Variants in CCDC88B observed in about 807,000 individuals in gnomAD.
CCDC88B encodes the protein coiled-coil and HOOK domain protein 88B.
Under a neutral mutation model 183.7 loss-of-function variants are expected in CCDC88B, and 138 were observed. The observed-to-expected ratio is 0.75, with a 90% confidence interval of 0.65 to 0.87. The LOEUF (loss-of-function observed/expected upper bound fraction) is 0.87. Among genes scored for constraint, CCDC88B ranks in the 40% least tolerant of loss-of-function variants. The pLI, the probability that CCDC88B is intolerant of heterozygous loss-of-function variation, is 0.00. For missense variants in CCDC88B, 1,822 were observed against 1,965.6 expected (o/e 0.93, Z 1.38); for synonymous variants, 835 against 867.5 (o/e 0.96, Z 0.66).
In CCDC88B at chr11:64,357,273, G is replaced by A. The variant is rs759277367; in HGVS notation, c.*179G>A. On this transcript the variant is annotated 3_prime_UTR_variant, in exon 27 of 27. Coordinates refer to ENST00000356786, the MANE Select transcript of CCDC88B (RefSeq NM_032251.6). ...CGGGGCCCGGAGATGGAGCTGGGAC[G>A]AGTGTGTGGACAGGGGGGATGGCTG... is the stretch of plus-strand genomic sequence containing the variant. The A allele has an allele frequency of 2.0e-4, 154 of 773,448 alleles. 1 individual carries two copies. Among genetic ancestry groups the A allele is most frequent in the Non-Finnish European group, 3.1e-4 (134 of 435,198 alleles). The allele number at this position is 773,448 out of a possible 1,614,324, so 47.9% of individuals were successfully genotyped here.
intron 7 of CCDC88B, 101 bp from the exon 8 acceptor site, chr11:64,341,893 C>A: frequency 4.4e-6 from 3 of 682,098 alleles, no homozygotes; most frequent in African/African-American, 1.9e-5. Flanking sequence ...CCAGATGGCC[C>A]AAGACCCCAG....
intron 16 of CCDC88B, 49 bp downstream of exon 16, chr11:64,349,717 A>T (rs1565053378): frequency 1.3e-6 from 2 of 1,508,466 alleles, no homozygotes; most frequent in Non-Finnish European, 1.8e-6. Context: ...CCTGCCCTCC[A>T]TCCCATGAGC....
chr11:64,343,268 G>A lies in CCDC88B; in HGVS notation c.1152G>A (p.Leu384=). 1 of 1,549,452 alleles carries A rather than the reference G, an allele frequency of 6.5e-7. No homozygotes were observed. The highest frequency in any genetic ancestry group is 8.7e-7 in the Non-Finnish European group (1 of 1,146,766). Residue 384 remains leucine, a synonymous_variant, in exon 11 of 27, where the codon CTG becomes CTA. Transcript: ENST00000356786. ...CTGCCCGAGAGCGCTGCGCCCGGCTGCACGAGACCCAGCGCGAGAACCTGC... is the reference window on the plus strand; with the variant it reads ...CTGCCCGAGAGCGCTGCGCCCGGCTACACGAGACCCAGCGCGAGAACCTGC... The part of the protein sequence containing the change: ...LEAARERCAR[L]HETQRENLLL...
chr11:64,340,826 G>A lies in CCDC88B; in HGVS notation c.206+74G>A, dbSNP rs200730691. 1.9e-4 allele frequency: 293 copies of A among 1,546,328 alleles called. 2 individuals are homozygous for A. The East Asian group carries it at 5.4e-3, about 29-fold the overall frequency. ...GGGAAGCGGGTGGGCGGAGCCTGAT[G>A]CTCAGTGGGCGGGGCCTGAGGGACG... On this transcript the variant is annotated intron_variant, in intron 2 of 26. Coordinates refer to ENST00000356786, the MANE Select transcript of CCDC88B (RefSeq NM_032251.6).
chr11:64,355,434 C>A, intron 25 of CCDC88B, 34 bp downstream of exon 25: 1 of 1,585,244 alleles, frequency 6.3e-7, no homozygotes, highest in East Asian at 2.3e-5. Context: ...CAGCCAGCCC[C>A]CCAACTCTTT....
intron 14 of CCDC88B, 39 bp downstream of exon 14, chr11:64,345,196 A>G (rs1249901240): frequency 2.0e-6 from 3 of 1,529,294 alleles, no homozygotes; most frequent in Non-Finnish European, 2.6e-6. Flanking sequence ...GTTGGGAAGC[A>G]GAGTTCCAGG....
chr11:64,344,078 C>T lies in CCDC88B; in HGVS notation c.1537C>T (p.His513Tyr), dbSNP rs974520301. 1.4e-5 allele frequency: 23 copies of T among 1,609,152 alleles called. No individual in the cohort carries two copies. In the Admixed American group the frequency reaches 3.7e-4, roughly 26 times the overall value. The change falls in exon 14 of 27, where the codon CAC becomes TAC. Residue 513 changes from histidine to tyrosine, a missense_variant. Transcript: ENST00000356786. The surrounding 1 kb of genome is among the most constrained non-coding windows in gnomAD (Gnocchi z 4.5). ...TCCCCAGACTCCTGTGGCCTTCGAC[C>T]ACAGCCCTCAGGGCTTGGTTCAGAA... ...EAPQTPVAFD[H>Y]SPQGLVQKAR... is the part of the protein sequence containing the mutation.
chr11:64,342,959 C>A (rs1297317146), intron 10 of CCDC88B, among the ~76,000 whole-genome samples: 1 of 146,704 alleles, frequency 6.8e-6, no homozygotes, highest in East Asian at 2.0e-4. Flanking sequence ...AAGGGCGGGG[C>A]CTGCACAAAG....
At chr11:64,343,082 G>A in intron 10 of CCDC88B, 97 bp from the exon 11 acceptor site, 1 of 1,373,274 alleles carries the variant, frequency 7.3e-7, no homozygotes, top group Non-Finnish European at 9.6e-7. Context: ...GAGGGAGGCA[G>A]GGTCTGTGAC....
chr11:64,343,634 AGGGCTGGGGT>A lies in CCDC88B; in HGVS notation c.1318+23_1318+32del, dbSNP rs767906330. On this transcript the variant is annotated intron_variant, in intron 12 of 26. Transcript: ENST00000356786. Reference sequence around the variant, plus strand: ...GGGGAGGGTGAGGGACCCCACTGGAAGGGCTGGGGTGGGGGCTTCCTATGCTTTCCAGCAG... The same window carrying A: ...GGGGAGGGTGAGGGACCCCACTGGAAGGGGGCTTCCTATGCTTTCCAGCAG... The A allele has an allele frequency of 8.3e-5, 128 of 1,549,784 alleles. No homozygotes were observed. The South Asian group carries it at 1.4e-3, about 17-fold the overall frequency.
chr11:64,347,790 C>CCACTTCGGGAGG (rs1378749423), intron 14 of CCDC88B, among the ~76,000 whole-genome samples: 5 of 152,144 alleles, frequency 3.3e-5, no homozygotes, highest in East Asian at 1.9e-4. Flanking sequence ...GTGGCTCACA[C>CCACTTCGGGAGG]CTGTAATCCC....
chr11:64,352,029 T>C (rs374981413), intron 18 of CCDC88B, 101 bp from the exon 19 acceptor site: 4 of 1,459,714 alleles, frequency 2.7e-6, no homozygotes, highest in Non-Finnish European at 3.7e-6. Context: ...AACTCTCTCA[T>C]TGTCTTGGGC....
Position 64,344,492 on chromosome 11 carries a change from G to A in CCDC88B, c.1951G>A (p.Gly651Arg), listed in dbSNP as rs199606628. 1 of 1,606,252 alleles carries A rather than the reference G, an allele frequency of 6.2e-7. No individual in the cohort carries two copies. The highest frequency in any genetic ancestry group is 1.3e-5 in the African/African-American group (1 of 74,666). The change falls in exon 14 of 27, where the codon GGG becomes AGG. Residue 651 changes from glycine to arginine, a missense_variant. By Grantham distance (125) the Gly-to-Arg change is moderately radical (BLOSUM62 -2). Coordinates refer to ENST00000356786, the MANE Select transcript of CCDC88B (RefSeq NM_032251.6). This position sits in a 1 kb window ranked among gnomAD's most constrained non-coding sequence, Gnocchi z 4.5. ...ACAGGAGGGCCCTGAGCACAAGCCAGGGCCTTCGGAGCCCAGCTCTGTGCA... is the reference window on the plus strand; with the variant it reads ...ACAGGAGGGCCCTGAGCACAAGCCAAGGCCTTCGGAGCCCAGCTCTGTGCA... ...LRQEGPEHKP[G>R]PSEPSSVQLE... is the part of the protein sequence containing the mutation.
rs201469975 is a variant in CCDC88B at position 64,344,164 on chromosome 11, C to G, written c.1623C>G (p.Leu541=). Reference sequence around the variant, plus strand: ...CTCCCCCGGCATTAGACTCAGTGCTCGAGGCATCAGCTGAGTGTCCCCAGG... The same window carrying G: ...CTCCCCCGGCATTAGACTCAGTGCTGGAGGCATCAGCTGAGTGTCCCCAGG... The part of the protein sequence containing the change: ...DLAPPALDSV[L]EASAECPQAP... Residue 541 remains leucine (L), a synonymous_variant, in exon 14 of 27, where the codon CTC becomes CTG. Transcript: ENST00000356786. The surrounding 1 kb of genome is among the most constrained non-coding windows in gnomAD (Gnocchi z 4.5). The G allele has an allele frequency of 1.9e-6, 3 of 1,612,978 alleles. No homozygotes were observed. Among genetic ancestry groups the G allele is most frequent in the Admixed American group, 3.3e-5 (2 of 59,894 alleles).
Position 64,349,322 on chromosome 11 carries a change from T to G in CCDC88B, c.2617-9T>G. 6.3e-7 allele frequency: 1 copy of G among 1,596,010 alleles called. No homozygotes were observed. Among genetic ancestry groups the G allele is most frequent in the Non-Finnish European group, 8.5e-7 (1 of 1,172,074 alleles). ...CCCCTTGCCCTGAGCCTGCTCTGCT[T>G]GCCCTCAGGAGCTGGAGAAAGCTGT... is the stretch of plus-strand genomic sequence containing the variant. On this transcript the variant is annotated splice_polypyrimidine_tract_variant and intron_variant, in intron 14 of 26. Coordinates refer to ENST00000356786, the MANE Select transcript of CCDC88B (RefSeq NM_032251.6).
chr11:64,354,095 G>A lies in CCDC88B; in HGVS notation c.4024G>A (p.Gly1342Arg). Residue 1342 changes from glycine to arginine, a missense_variant, in exon 24 of 27, where the codon GGG becomes AGG. By Grantham distance (125) the Gly-to-Arg change is moderately radical. Transcript: ENST00000356786. ...PPGGLRLGAD[G>R]AGSTESLGGP... ...TGGGGGGCTGCGCCTGGGGGCCGATGGGGCTGGCAGCACCGAGAGCCTGGG... is the reference window on the plus strand; with the variant it reads ...TGGGGGGCTGCGCCTGGGGGCCGATAGGGCTGGCAGCACCGAGAGCCTGGG... 7.1e-7 allele frequency: 1 copy of A among 1,409,596 alleles called. No homozygotes were observed. Among genetic ancestry groups the A allele is most frequent in the Middle Eastern group, 2.3e-4 (1 of 4,344 alleles). The allele number at this position is 1,409,596 out of a possible 1,614,324, so 87.3% of individuals were successfully genotyped here.
At chr11:64,341,234 C>T in intron 4 of CCDC88B, 36 bp from the exon 5 acceptor site, 7 of 1,614,124 alleles carry the variant, frequency 4.3e-6, no homozygotes, top group East Asian at 2.2e-5. Flanking sequence ...CTACCTTCCC[C>T]GCCCCAGTTA....
At chr11:64,353,299 A>G (rs1039655116) in intron 21 of CCDC88B, 52 bp from the exon 22 acceptor site, 1 of 1,597,020 alleles carries the variant, frequency 6.3e-7, no homozygotes, top group Non-Finnish European at 8.5e-7. Flanking sequence ...GCCTAGACCC[A>G]GGTGGTCCTG....
At chr11:64,341,787 G>A (rs773481138) in intron 7 of CCDC88B, 45 bp downstream of exon 7, 2 of 1,537,478 alleles carry the variant, frequency 1.3e-6, no homozygotes, top group Admixed American at 2.2e-5. Flanking sequence ...GGGAACTGGA[G>A]GACCATCAGG....
Sources: allele counts gnomAD v4.1 joint callset (sites outside exome capture counted in the v4.1 genomes callset), GRCh38; gene constraint gnomAD v4.1.1; non-coding constraint Gnocchi (gnomAD v3.1); transcripts MANE v1.5; gene names NCBI Gene and HGNC (gene_info 2026-07-23, HGNC 2026-07-21).